Variants in GAPDH observed in about 807,000 individuals in gnomAD.
The protein encoded by GAPDH is glyceraldehyde-3-phosphate dehydrogenase, also known as OCAS, p38 component.
A neutral mutation model predicts 31.2 loss-of-function variants in GAPDH; 13 were observed. The ratio of observed to expected loss-of-function variants is 0.42; its 90% CI spans 0.27 to 0.66. The LOEUF is 0.66. Ranked by LOEUF, GAPDH falls within the 30% of genes least tolerant of loss-of-function variation. GAPDH has a pLI of 0.26. For synonymous variants in GAPDH, 211 were observed against 166.9 expected (o/e 1.26, Z -2.04); for missense variants, 300 against 443.7 (o/e 0.68, Z 2.91).
chr12:6,537,280 C>T lies in GAPDH; in HGVS notation c.444-29C>T. ...GCACCCTATGGACACGCTCCCCTGA[C>T]TTGCGCCCCGCTCCCTCTTTCTTTG... On this transcript the variant is annotated intron_variant, in intron 6 of 8. Coordinates refer to ENST00000229239, the MANE Select transcript of GAPDH (RefSeq NM_002046.7). This position sits in a 1 kb window ranked among gnomAD's most constrained non-coding sequence, Gnocchi z 4.9. 6.2e-7 allele frequency: 1 copy of T among 1,600,264 alleles called. No homozygotes were observed. Among genetic ancestry groups the T allele is most frequent in the Non-Finnish European group, 8.5e-7 (1 of 1,178,278 alleles).
In GAPDH at chr12:6,537,022, A is replaced by AG. The variant is rs762862068; in HGVS notation, c.327+15dup. 3 of 1,610,420 alleles carry AG rather than the reference A, an allele frequency of 1.9e-6. No individual in the cohort carries two copies. The highest frequency in any genetic ancestry group is 2.5e-6 in the Non-Finnish European group (3 of 1,178,710). On this transcript the variant is annotated intron_variant, in intron 5 of 8. Transcript: ENST00000229239. This position sits in a 1 kb window ranked among gnomAD's most constrained non-coding sequence, Gnocchi z 4.9. ...TGGAGAAGGCTGGGGTGAGTGCAGG[A>AG]GGGCCCGCGGGAGGGGAAGCTGACT...
At position 6,537,508 on chromosome 12, in the gene GAPDH, A is replaced by C. The variant is rs556543776; in HGVS notation, c.526-76A>C. ...GGGTTCTGGGGACTGGCTTTCCCAT[A>C]ATTTCCTTTCAAGGTGGGGAGGGAG... On this transcript the variant is annotated intron_variant, in intron 7 of 8. Transcript: ENST00000229239. The surrounding 1 kb of genome is among the most constrained non-coding windows in gnomAD (Gnocchi z 4.9). The C allele has an allele frequency of 6.3e-7, 1 of 1,584,404 alleles. No homozygotes were observed. The highest frequency in any genetic ancestry group is 1.7e-5 in the Admixed American group (1 of 58,370).
chr12:6,536,325 C>T (rs1215604231), intron 2 of GAPDH, among the ~76,000 whole-genome samples, 169 bp from the exon 3 acceptor site: 1 of 152,202 alleles, frequency 6.6e-6, no homozygotes, highest in Non-Finnish European at 1.5e-5. Context: ...TGCCTTAAGC[C>T]AGGCCAGCCT....
Position 6,537,625 on chromosome 12 carries a change from T to C in GAPDH, c.567T>C (p.Asp189=), listed in dbSNP as rs1592188494. ...HAITATQKTV[D]GPSGKLWRDG... The stretch of plus-strand genomic sequence containing the variant: ...TCACTGCCACCCAGAAGACTGTGGA[T>C]GGCCCCTCCGGGAAACTGTGGCGTG... The change falls in exon 8 of 9, where the codon GAT becomes GAC. Residue 189 remains aspartate (D), a synonymous_variant. Coordinates refer to ENST00000229239, the MANE Select transcript of GAPDH (RefSeq NM_002046.7). The surrounding 1 kb of genome is among the most constrained non-coding windows in gnomAD (Gnocchi z 4.9). The C allele has an allele frequency of 1.9e-6, 3 of 1,611,752 alleles. No homozygotes were observed. The highest frequency in any genetic ancestry group is 2.7e-5 in the African/African-American group (2 of 74,850).
rs953413777 is a variant in GAPDH, at chr12:6,535,265, T to C, written c.29+404T>C. The C allele has an allele frequency of 8.1e-5, 83 of 1,028,476 alleles. 1 individual carries two copies. The African/African-American group carries it at 1.3e-3, about 16-fold the overall frequency. 63.7% of individuals were successfully genotyped at this position (1,028,476 alleles called of 1,614,324 possible). ...CTAGTGCGCAGCGGGTGCATCCCTG[T>C]CCGGATGCTGCGCCTGCGGTAGAGC... is the stretch of plus-strand genomic sequence containing the variant. On this transcript the variant is annotated intron_variant, in intron 2 of 8. Coordinates refer to ENST00000229239, the MANE Select transcript of GAPDH (RefSeq NM_002046.7).
chr12:6,535,375 A>C, intron 2 of GAPDH: 3 of 989,608 alleles, frequency 3.0e-6, no homozygotes, highest in Non-Finnish European at 3.6e-6. Flanking sequence ...TCCTGCCTCG[A>C]TGGGTGGAGT....
rs1008676602 is a variant in GAPDH, at chr12:6,538,294, A to G, written c.*124A>G. 5.3e-5 allele frequency: 42 copies of G among 793,316 alleles called. No homozygotes were observed. The highest frequency in any genetic ancestry group is 7.8e-5 in the Non-Finnish European group (37 of 476,138). 49.1% of individuals were successfully genotyped at this position (793,316 alleles called of 1,614,324 possible). Reference sequence around the variant, plus strand: ...TCTCCCCTCCTCACAGTTGCCATGTAGACCCCTTGAAGAGGGGAGGGGCCT... The same window carrying G: ...TCTCCCCTCCTCACAGTTGCCATGTGGACCCCTTGAAGAGGGGAGGGGCCT... On this transcript the variant is annotated 3_prime_UTR_variant, in exon 9 of 9. Coordinates refer to ENST00000229239, the MANE Select transcript of GAPDH (RefSeq NM_002046.7).
chr12:6,536,622 T>A (rs542957288), intron 3 of GAPDH, 29 bp downstream of exon 3: 1 of 1,608,194 alleles, frequency 6.2e-7, no homozygotes, highest in African/African-American at 1.3e-5. Context: ...GCCCCAAAGC[T>A]GGTGTGGGAG....
Position 6,536,906 on chromosome 12 carries a change from C to T in GAPDH, c.237-14C>T. On this transcript the variant is annotated splice_polypyrimidine_tract_variant and intron_variant, in intron 4 of 8. Coordinates refer to ENST00000229239, the MANE Select transcript of GAPDH (RefSeq NM_002046.7). ...CAATATGGTCCTGTCCCCATCTCCC[C>T]CCCACCCCCATAGGCGAGATCCCTC... The T allele has an allele frequency of 1.2e-6, 2 of 1,608,836 alleles. No individual in the cohort carries two copies. The highest frequency in any genetic ancestry group is 1.7e-6 in the Non-Finnish European group (2 of 1,175,400).
rs1946513972 is a variant in GAPDH, at chr12:6,537,749, A to C, written c.691A>C (p.Met231Leu). Residue 231 changes from methionine to leucine, a missense_variant, in exon 8 of 9, where the codon ATG (methionine) becomes CTG (leucine). Transcript: ENST00000229239. This position sits in a 1 kb window ranked among gnomAD's most constrained non-coding sequence, Gnocchi z 4.9. Reference protein sequence around the residue: ...IPELNGKLTGMAFRVPTANVS... With the variant: ...IPELNGKLTGLAFRVPTANVS... ...TGAGCTGAACGGGAAGCTCACTGGCATGGCCTTCCGTGTCCCCACTGCCAA... is the reference window on the plus strand; with the variant it reads ...TGAGCTGAACGGGAAGCTCACTGGCCTGGCCTTCCGTGTCCCCACTGCCAA... 1 of 1,611,616 alleles carries C rather than the reference A, an allele frequency of 6.2e-7. No homozygotes were observed. The highest frequency in any genetic ancestry group is 1.7e-5 in the Admixed American group (1 of 59,998).
chr12:6,537,033 G>A lies in GAPDH; in HGVS notation c.327+23G>A. 6.2e-7 allele frequency: 1 copy of A among 1,609,176 alleles called. No homozygotes were observed. The highest frequency in any genetic ancestry group is 8.5e-7 in the Non-Finnish European group (1 of 1,177,782). On this transcript the variant is annotated intron_variant, in intron 5 of 8. Coordinates refer to ENST00000229239, the MANE Select transcript of GAPDH (RefSeq NM_002046.7). The surrounding 1 kb of genome is among the most constrained non-coding windows in gnomAD (Gnocchi z 4.9). ...GGGGTGAGTGCAGGAGGGCCCGCGG[G>A]AGGGGAAGCTGACTCAGCCCTGCAA...
At chr12:6,535,030 G>C in intron 2 of GAPDH, 169 bp downstream of exon 2, 1 of 859,334 alleles carries the variant, frequency 1.2e-6, no homozygotes, top group Non-Finnish European at 1.8e-6. Flanking sequence ...CACCCAGGCT[G>C]TGGCGCCCTG....
At chr12:6,535,609 C>T (rs1946446285) in intron 2 of GAPDH, 1 of 272,192 alleles carries the variant, frequency 3.7e-6, no homozygotes, top group Non-Finnish European at 5.6e-6. Flanking sequence ...AAAATGGCCC[C>T]TCTGGTGGTG....
rs758495804 is a variant in GAPDH, at chr12:6,537,405, G to A, written c.525+15G>A. 12 of 1,603,078 alleles carry A rather than the reference G, an allele frequency of 7.5e-6. No individual in the cohort carries two copies. The highest frequency in any genetic ancestry group is 1.0e-5 in the Non-Finnish European group (12 of 1,175,842). Reference sequence around the variant, plus strand: ...AAGGACTCATGGTATGAGAGCTGGGGAATGGGACTGAGGCTCCCACCTTTC... The same window carrying A: ...AAGGACTCATGGTATGAGAGCTGGGAAATGGGACTGAGGCTCCCACCTTTC... On this transcript the variant is annotated intron_variant, in intron 7 of 8. Coordinates refer to ENST00000229239, the MANE Select transcript of GAPDH (RefSeq NM_002046.7). The surrounding 1 kb of genome is among the most constrained non-coding windows in gnomAD (Gnocchi z 4.9).
chr12:6,535,915 T>G (rs1220428722), intron 2 of GAPDH, among the ~76,000 whole-genome samples: 1 of 152,150 alleles, frequency 6.6e-6, no homozygotes, highest in Admixed American at 6.5e-5. Flanking sequence ...ACTCCTGATT[T>G]CTGGAAAAGA....
chr12:6,537,368 T>G lies in GAPDH; in HGVS notation c.503T>G (p.Phe168Cys), dbSNP rs762501270. 1 of 1,609,374 alleles carries G rather than the reference T, an allele frequency of 6.2e-7. No individual in the cohort carries two copies. Among genetic ancestry groups the G allele is most frequent in the Non-Finnish European group, 8.5e-7 (1 of 1,179,802 alleles). ...APLAKVIHDN[F>C]GIVEGLMTTV... Reference sequence around the variant, plus strand: ...CTGGCCAAGGTCATCCATGACAACTTTGGTATCGTGGAAGGACTCATGGTA... The same window carrying G: ...CTGGCCAAGGTCATCCATGACAACTGTGGTATCGTGGAAGGACTCATGGTA... Residue 168 changes from phenylalanine to cysteine, a missense_variant, in exon 7 of 9, where the codon TTT becomes TGT. Transcript: ENST00000229239. This position sits in a 1 kb window ranked among gnomAD's most constrained non-coding sequence, Gnocchi z 4.9.
intron 2 of GAPDH, chr12:6,535,307 C>T (rs1419465450): frequency 4.0e-6 from 4 of 1,001,142 alleles, no homozygotes; most frequent in Non-Finnish European, 4.8e-6. Flanking sequence ...CATGTTGCAA[C>T]CGGGAAGGAA....
intron 2 of GAPDH, 89 bp downstream of exon 2, chr12:6,534,950 G>A: frequency 2.9e-6 from 4 of 1,397,280 alleles, no homozygotes; most frequent in Non-Finnish European, 2.0e-6. Flanking sequence ...CTTTGCAGTC[G>A]TATGGGGGCA....
intron 1 of GAPDH, 95 bp from the exon 2 acceptor site, chr12:6,534,715 G>A: frequency 2.7e-6 from 3 of 1,095,474 alleles, no homozygotes; most frequent in Non-Finnish European, 4.1e-6. Flanking sequence ...GTGATGCGGC[G>A]CGGGCTGGGC....
Sources: gnomAD v4.1 joint callset for allele counts (sites outside exome capture counted in the v4.1 genomes callset) on GRCh38, gnomAD v4.1.1 for gene constraint, Gnocchi (gnomAD v3.1) non-coding constraint, MANE v1.5 for transcripts, NCBI Gene and HGNC (gene_info 2026-07-23, HGNC 2026-07-21) for gene names.